The following PIAS2 variants were observed in gnomAD, a reference collection of about 807,000 sequenced individuals.
PIAS2 encodes protein inhibitor of activated STAT 2.
A neutral mutation model predicts 69.7 loss-of-function variants in PIAS2; 19 were observed. The ratio of observed to expected loss-of-function variants is 0.27; its 90% CI spans 0.19 to 0.40. PIAS2 has a LOEUF of 0.40. Among genes scored for constraint, PIAS2 ranks in the 10% least tolerant of loss-of-function variants. The pLI, the probability that PIAS2 is intolerant of heterozygous loss-of-function variation, is 1.00. For missense variants in PIAS2, 624 were observed against 757.0 expected (o/e 0.82, Z 2.06); for synonymous variants, 261 against 263.2 (o/e 0.99, Z 0.08).
rs963444355 is a variant in PIAS2, at chr18:46,836,243, T to G, written c.1202+114A>C. ...GACGGAAAACATACAAACATCTGGA[T>G]TTATGCTAGAGTAGAATTTATTTAG... On this transcript the variant is annotated intron_variant, in intron 9 of 13. Transcript: ENST00000585916. 5 of 782,798 alleles carry G rather than the reference T, an allele frequency of 6.4e-6. No individual in the cohort carries two copies. In the African/African-American group the frequency reaches 8.6e-5, roughly 13 times the overall value. 48.5% of individuals were successfully genotyped at this position (782,798 alleles called of 1,614,324 possible).
chr18:46,904,545 G>A (rs1242339441), intron 1 of PIAS2, among the ~76,000 whole-genome samples: 1 of 152,132 alleles, frequency 6.6e-6, no homozygotes, highest in Non-Finnish European at 1.5e-5. Flanking sequence ...GAGATCAGGA[G>A]TTCAAGACCA....
chr18:46,888,429 A>T (rs1004937937), intron 2 of PIAS2, among the ~76,000 whole-genome samples: 7 of 152,166 alleles, frequency 4.6e-5, no homozygotes, highest in African/African-American at 1.7e-4. Flanking sequence ...AAGGGCCCCA[A>T]ATAGCCAAAA....
intron 1 of PIAS2, among the ~76,000 whole-genome samples, chr18:46,915,931 T>TA (rs2057802394): frequency 6.6e-6 from 1 of 152,054 alleles, no homozygotes; most frequent in African/African-American, 2.4e-5. Flanking sequence ...TTTACAGAGG[T>TA]GAGGTTCAGG....
intron 5 of PIAS2, among the ~76,000 whole-genome samples, chr18:46,847,932 T>C (rs1415705194): frequency 6.6e-6 from 1 of 152,176 alleles, no homozygotes; most frequent in African/African-American, 2.4e-5. Flanking sequence ...AATCTACATA[T>C]TGAAAAGTAG....
chr18:46,897,024 T>A (rs2054994852), intron 1 of PIAS2, among the ~76,000 whole-genome samples: 1 of 152,168 alleles, frequency 6.6e-6, no homozygotes, highest in Non-Finnish European at 1.5e-5. Context: ...TCTGAAGCTG[T>A]GTACTGGGGA....
rs1359961789 is a variant in PIAS2 at position 46,911,230 on chromosome 18, T to C, written c.24+6092A>G. 1.5e-3 allele frequency among the ~76,000 whole-genome samples: 221 copies of C among 151,450 alleles called. 2 individuals carry two copies. The highest frequency in any genetic ancestry group is 5.2e-3 in the African/African-American group (215 of 41,380). ...GTTATATTTCTTTTTTTTTTTTTTT[T>C]CCTGAGACGAAGCCTTGCTTTGTCA... On this transcript the variant is annotated intron_variant, in intron 1 of 13. Transcript: ENST00000585916.
chr18:46,850,045 T>C (rs1454986628), intron 5 of PIAS2, among the ~76,000 whole-genome samples: 2 of 152,178 alleles, frequency 1.3e-5, no homozygotes, highest in African/African-American at 4.8e-5. Flanking sequence ...TCGATTCAGA[T>C]CTCCCAGGTG....
At chr18:46,814,326 T>C (rs2041277704) in intron 13 of PIAS2, among the ~76,000 whole-genome samples, 1 of 152,082 alleles carries the variant, frequency 6.6e-6, no homozygotes, top group African/African-American at 2.4e-5. Flanking sequence ...AGCTATGAAA[T>C]AAAAACCTCT....
intron 1 of PIAS2, among the ~76,000 whole-genome samples, chr18:46,894,811 C>T (rs540720582): frequency 5.9e-5 from 9 of 152,202 alleles, no homozygotes; most frequent in Non-Finnish European, 1.0e-4. Flanking sequence ...TGGCTCATAC[C>T]TGTAATCCCA....
intron 1 of PIAS2, chr18:46,917,012 G>C (rs1335264739): frequency 1.0e-6 from 1 of 986,812 alleles, no homozygotes; most frequent in African/African-American, 1.7e-5. Context: ...CTGCGAACCG[G>C]GATGTCGGGT....
At chr18:46,829,945 C>T in intron 9 of PIAS2, 78 bp from the exon 10 acceptor site, 2 of 1,288,604 alleles carry the variant, frequency 1.6e-6, no homozygotes, top group South Asian at 2.8e-5. Context: ...ATACACATTA[C>T]CTTGAAAACA....
chr18:46,831,672 T>C (rs967538580), intron 9 of PIAS2, among the ~76,000 whole-genome samples: 2 of 152,198 alleles, frequency 1.3e-5, no homozygotes, highest in Non-Finnish European at 2.9e-5. Flanking sequence ...TCAATTAATT[T>C]TTGTAAAAGG....
At chr18:46,896,677 A>G (rs1416806668) in intron 1 of PIAS2, among the ~76,000 whole-genome samples, 1 of 152,264 alleles carries the variant, frequency 6.6e-6, no homozygotes, top group African/African-American at 2.4e-5. Context: ...AGCCTATGAA[A>G]TGGCGGGCCT....
At chr18:46,843,221 T>A (rs1170623161) in intron 8 of PIAS2, among the ~76,000 whole-genome samples, 2 of 152,206 alleles carry the variant, frequency 1.3e-5, no homozygotes, top group African/African-American at 2.4e-5. Flanking sequence ...GAACATACAG[T>A]AGAGACTCAA....
chr18:46,836,336 T>C, intron 9 of PIAS2, 21 bp downstream of exon 9: 1 of 1,603,290 alleles, frequency 6.2e-7, no homozygotes, highest in Non-Finnish European at 8.5e-7. Context: ...CCATATCAGC[T>C]GTTAAAAGGG....
At chr18:46,856,812 T>C (rs947405360) in intron 3 of PIAS2, among the ~76,000 whole-genome samples, 5 of 152,320 alleles carry the variant, frequency 3.3e-5, no homozygotes, top group African/African-American at 9.6e-5. Context: ...TGGAGTACAC[T>C]GAGCCCCCAT....
At chr18:46,853,817 A>C (rs1014357885) in intron 5 of PIAS2, 1 of 152,292 alleles carries the variant, frequency 6.6e-6, no homozygotes, top group African/African-American at 2.4e-5. Context: ...AGTGGGAAAA[A>C]AAGGATAGCT....
chr18:46,913,561 TA>T (rs758512713), intron 1 of PIAS2, among the ~76,000 whole-genome samples: 271 of 136,320 alleles, frequency 2.0e-3, no homozygotes, highest in Non-Finnish European at 1.9e-3. Flanking sequence ...GGGAGATCCT[TA>T]AAAAAAAAAA....
chr18:46,855,376 A>C lies in PIAS2; in HGVS notation c.695T>G (p.Ile232Arg). ...QEDNYPNSLC[I>R]KVNGKLFPLP... ...AGGAAATAGCTTCCCATTTACTTTT[A>C]TACATAGACTATTTGGATAGTTATC... The change falls in exon 5 of 14, where the codon ATA becomes AGA. Residue 232 changes from isoleucine to arginine, a missense_variant. Coordinates refer to ENST00000585916, the MANE Select transcript of PIAS2 (RefSeq NM_004671.5). 6.2e-7 allele frequency: 1 copy of C among 1,612,046 alleles called. No homozygotes were observed. Among genetic ancestry groups the C allele is most frequent in the Non-Finnish European group, 8.5e-7 (1 of 1,179,190 alleles).
Sources: gnomAD v4.1 joint callset for allele counts (sites outside exome capture counted in the v4.1 genomes callset) on GRCh38, gnomAD v4.1.1 for gene constraint, MANE v1.5 for transcripts, NCBI Gene and HGNC (gene_info 2026-07-23, HGNC 2026-07-21) for gene names.